XRN2: variants seen among roughly 807,000 people sequenced by gnomAD.
XRN2 encodes 5'-3' exoribonuclease 2.
In XRN2, 44 loss-of-function variants were observed where a neutral mutation model predicts 138.5. The observed-to-expected ratio is 0.32, with a 90% CI of 0.25 to 0.41. XRN2 has a LOEUF of 0.41. Ranked by LOEUF, XRN2 falls within the 10% of genes least tolerant of loss-of-function variation. The probability of loss-of-function intolerance (pLI) is 1.00; values close to 1 mark genes in which losing one functional copy is unlikely to be tolerated. For missense variants in XRN2, 937 were observed against 1,169.3 expected, an observed-to-expected ratio of 0.80 and a Z score of 2.90; for synonymous variants, 354 against 369.4, an observed-to-expected ratio of 0.96 and a Z score of 0.48.
chr20:21,311,827 A>G (rs2037884844), intron 1 of XRN2, among the ~76,000 whole-genome samples: 1 of 151,986 alleles, frequency 6.6e-6, no homozygotes, highest in Non-Finnish European at 1.5e-5. Context: ...GTCTCTACTA[A>G]AAAAGTAACA....
chr20:21,377,264 C>CTTTTTTCTTTTT (rs1555788239), intron 27 of XRN2, among the ~76,000 whole-genome samples: 28 of 82,798 alleles, frequency 3.4e-4, no homozygotes, highest in African/African-American at 1.4e-3. Context: ...TCGGTTTTTT[C>CTTTTTTCTTTTT]TTTTTTTTTT....
intron 14 of XRN2, 57 bp downstream of exon 14, chr20:21,339,145 G>T: frequency 6.5e-7 from 1 of 1,527,478 alleles, no homozygotes; most frequent in South Asian, 1.1e-5. Flanking sequence ...AATTTATGAG[G>T]AAGATGTTCA....
chr20:21,335,247 G>GTAC (rs2038269390), intron 13 of XRN2, among the ~76,000 whole-genome samples: 1 of 152,304 alleles, frequency 6.6e-6, no homozygotes, highest in East Asian at 1.9e-4. Flanking sequence ...TGATTGCAGG[G>GTAC]TGTAGCAAGG....
intron 8 of XRN2, 133 bp downstream of exon 8, chr20:21,331,951 A>G: frequency 1.0e-6 from 1 of 969,614 alleles, no homozygotes; most frequent in Non-Finnish European, 1.6e-6. Flanking sequence ...TTCGACAGGG[A>G]ACTAGTATTG....
intron 27 of XRN2, among the ~76,000 whole-genome samples, chr20:21,380,228 A>G (rs568216068): frequency 1.8e-4 from 28 of 152,268 alleles, no homozygotes; most frequent in African/African-American, 6.5e-4. Context: ...CAAATTTTGT[A>G]TATATAAGGG....
intron 1 of XRN2, among the ~76,000 whole-genome samples, chr20:21,320,479 T>G (rs2038024067): frequency 6.6e-6 from 1 of 151,738 alleles, no homozygotes; most frequent in African/African-American, 2.4e-5. Context: ...TTTTGTATTT[T>G]TAGTAGAGAC....
chr20:21,305,553 C>CTTTTT (rs1180206108), intron 1 of XRN2, among the ~76,000 whole-genome samples: 1,218 of 19,804 alleles, frequency 0.062, 204 homozygotes, highest in Non-Finnish European at 0.14. Flanking sequence ...CATACGTGGC[C>CTTTTT]TTTTTTTTTT....
intron 27 of XRN2, among the ~76,000 whole-genome samples, chr20:21,373,913 G>A (rs905355371): frequency 2.0e-5 from 3 of 152,024 alleles, no homozygotes; most frequent in Non-Finnish European, 4.4e-5. Flanking sequence ...TTGGCAATTT[G>A]CCTTTTCGCT....
rs969409601 is a variant in XRN2, at chr20:21,303,360, C to A, written c.-39C>A. ...CTGCTCCCGTCTCTTTGGTTACGCTCGTCAGCCGGTCGGCCGCCGCCTCCA... is the reference window on the plus strand; with the variant it reads ...CTGCTCCCGTCTCTTTGGTTACGCTAGTCAGCCGGTCGGCCGCCGCCTCCA... On this transcript the variant is annotated 5_prime_UTR_variant, in exon 1 of 30. Transcript: ENST00000377191. 3.2e-6 allele frequency: 5 copies of A among 1,540,666 alleles called. No homozygotes were observed. The highest frequency in any genetic ancestry group is 2.4e-5 in the South Asian group (2 of 82,978).
chr20:21,365,751 C>T, intron 26 of XRN2, 47 bp downstream of exon 26: 1 of 1,528,108 alleles, frequency 6.5e-7, no homozygotes, highest in Non-Finnish European at 8.8e-7. Flanking sequence ...TTTTCTGAAT[C>T]ATCCCATAAA....
intron 27 of XRN2, 95 bp downstream of exon 27, chr20:21,368,685 T>C: frequency 6.6e-7 from 1 of 1,521,184 alleles, no homozygotes; most frequent in South Asian, 1.3e-5. Context: ...ATTTGTTGTA[T>C]CAGTGCAGAC....
chr20:21,368,842 C>T (rs752646603), intron 27 of XRN2, among the ~76,000 whole-genome samples: 16 of 152,078 alleles, frequency 1.1e-4, no homozygotes, highest in Non-Finnish European at 2.1e-4. Context: ...CACAGGCATA[C>T]AATGAGTAAT....
intron 1 of XRN2, among the ~76,000 whole-genome samples, chr20:21,322,771 A>T (rs553552115): frequency 3.3e-5 from 5 of 152,134 alleles, no homozygotes; most frequent in Non-Finnish European, 5.9e-5. Flanking sequence ...TGGCATTTTC[A>T]TGCACAAATA....
chr20:21,338,454 T>C (rs2038328299), intron 13 of XRN2, among the ~76,000 whole-genome samples: 1 of 152,150 alleles, frequency 6.6e-6, no homozygotes, highest in African/African-American at 2.4e-5. Flanking sequence ...ACACCTCAAT[T>C]TCCTTCCTTT....
At chr20:21,363,101 C>A (rs957972143) in intron 24 of XRN2, among the ~76,000 whole-genome samples, 1 of 152,164 alleles carries the variant, frequency 6.6e-6, no homozygotes, top group Non-Finnish European at 1.5e-5. Flanking sequence ...ATAATTCCCT[C>A]CCCGCAGTAC....
At chr20:21,315,264 A>G (rs2037942964) in intron 1 of XRN2, among the ~76,000 whole-genome samples, 1 of 152,182 alleles carries the variant, frequency 6.6e-6, no homozygotes, top group Non-Finnish European at 1.5e-5. Flanking sequence ...GAGAACTATG[A>G]GCAAGAAAAG....
At chr20:21,349,539 A>T in intron 20 of XRN2, 78 bp downstream of exon 20, 1 of 1,204,438 alleles carries the variant, frequency 8.3e-7, no homozygotes, top group Non-Finnish European at 1.2e-6. Flanking sequence ...GTAAAAGATA[A>T]ATATTTTAGC....
intron 15 of XRN2, among the ~76,000 whole-genome samples, chr20:21,342,876 A>G (rs2038389597): frequency 6.6e-6 from 1 of 152,238 alleles, no homozygotes; most frequent in Non-Finnish European, 1.5e-5. Context: ...CTAAAATACA[A>G]CAATACCTGC....
At chr20:21,323,676 A>G (rs2038079588) in intron 1 of XRN2, among the ~76,000 whole-genome samples, 1 of 152,214 alleles carries the variant, frequency 6.6e-6, no homozygotes, top group Non-Finnish European at 1.5e-5. Flanking sequence ...TCTCAAAATT[A>G]GGACCCACCT....
Sources: allele counts gnomAD v4.1 joint callset (sites outside exome capture counted in the v4.1 genomes callset), GRCh38; gene constraint gnomAD v4.1.1; transcripts MANE v1.5; gene names NCBI Gene and HGNC (gene_info 2026-07-23, HGNC 2026-07-21).